PROKR1: variants seen among roughly 807,000 people sequenced by gnomAD.
The protein encoded by PROKR1 is prokineticin receptor 1, also known as G protein-coupled receptor 73.
PROKR1 carries 21 observed loss-of-function variants against 22.8 expected under a neutral mutation model. The ratio of observed to expected loss-of-function variants is 0.92; its 90% confidence interval spans 0.65 to 1.32. The LOEUF is 1.32. Among genes scored for constraint, PROKR1 ranks in the 40% most tolerant of loss-of-function variants. The pLI, the probability that PROKR1 is intolerant of heterozygous loss-of-function variation, is 0.00. For missense variants in PROKR1, 548 were observed against 514.2 expected (o/e 1.07, Z -0.64); for synonymous variants, 193 against 207.5 (o/e 0.93, Z 0.60).
intron 2 of PROKR1, chr2:68,649,464 C>T (rs1673264207): frequency 6.6e-6 from 1 of 152,140 alleles, no homozygotes; most frequent in African/African-American, 2.4e-5. Flanking sequence ...TTAAACAATC[C>T]ATTTTTATAG....
chr2:68,654,378 A>G (rs1261482217), intron 2 of PROKR1, among the ~76,000 whole-genome samples: 1 of 152,244 alleles, frequency 6.6e-6, no homozygotes, highest in Non-Finnish European at 1.5e-5. Context: ...TTAACAGCCA[A>G]CAATACTTGT....
At position 68,653,437 on chromosome 2, in the gene PROKR1, T is replaced by A. The variant is rs938163519; in HGVS notation, c.486-1443T>A. Among the ~76,000 whole-genome samples, 8 of 141,492 alleles carry A rather than the reference T, an allele frequency of 5.7e-5. No individual in the cohort carries two copies. In the East Asian group the frequency reaches 8.2e-4, roughly 15 times the overall value. 92.8% of individuals were successfully genotyped at this position (141,492 alleles called of 152,430 possible). ...GAAATACAGTCAGGAAAAAAAAAAA[T>A]AAGTAAGAATGAACCTTTCTTCAAA... On this transcript the variant is annotated intron_variant, in intron 2 of 2. Coordinates refer to ENST00000303786, the MANE Select transcript of PROKR1 (RefSeq NM_138964.4).
rs914704680 is a variant in PROKR1 at position 68,656,724 on chromosome 2, T to A, written c.*1148T>A. On this transcript the variant is annotated 3_prime_UTR_variant, in exon 3 of 3. Coordinates refer to ENST00000303786, the MANE Select transcript of PROKR1 (RefSeq NM_138964.4). ...GATATGATTTGAGGGCAAGATATCC[T>A]TATTACTGGCACCTGAATCCCATCC... The A allele has an allele frequency of 6.6e-6, 1 of 152,232 alleles. No homozygotes were observed. Among genetic ancestry groups the A allele is most frequent in the Non-Finnish European group, 1.5e-5 (1 of 68,054 alleles). The allele number at this position is 152,232 out of a possible 1,614,324, so 9.4% of individuals were successfully genotyped here.
Position 68,643,619 on chromosome 2 carries a change from C to T in PROKR1, c.-390C>T, listed in dbSNP as rs531092813. ...TCGCCAAGAGCCCGCACCTCGGCGC[C>T]TCACGGCCACCGGAGGCGGGGACAG... On this transcript the variant is annotated 5_prime_UTR_variant, in exon 1 of 3. Transcript: ENST00000303786. 1 of 152,426 alleles carries T rather than the reference C, an allele frequency of 6.6e-6. No homozygotes were observed. The highest frequency in any genetic ancestry group is 1.5e-5 in the Non-Finnish European group (1 of 68,110). The allele number at this position is 152,426 out of a possible 1,614,324, so 9.4% of individuals were successfully genotyped here.
chr2:68,655,066 C>A lies in PROKR1; in HGVS notation c.672C>A (p.Asp224Glu). 1.9e-6 allele frequency: 3 copies of A among 1,614,036 alleles called. No homozygotes were observed. Among genetic ancestry groups the A allele is most frequent in the Non-Finnish European group, 2.5e-6 (3 of 1,180,012 alleles). ...KIFCGQIWPV[D>E]QQLYYKSYFL... Reference sequence around the variant, plus strand: ...TCTGCGGCCAGATCTGGCCTGTGGACCAGCAGCTCTACTACAAGTCCTACT... The same window carrying A: ...TCTGCGGCCAGATCTGGCCTGTGGAACAGCAGCTCTACTACAAGTCCTACT... The change falls in exon 3 of 3, where the codon GAC (aspartate) becomes GAA (glutamate). Residue 224 changes from aspartate (D) to glutamate (E), a missense_variant. Physicochemically the swap from Asp to Glu is conservative, Grantham distance 45. Coordinates refer to ENST00000303786, the MANE Select transcript of PROKR1 (RefSeq NM_138964.4).
intron 2 of PROKR1, among the ~76,000 whole-genome samples, chr2:68,648,818 G>A (rs758614089): frequency 6.6e-6 from 1 of 152,122 alleles, no homozygotes; most frequent in Non-Finnish European, 1.5e-5. Context: ...TATTCTGCCT[G>A]GGTTTAAGTA....
chr2:68,645,166 C>T (rs1341652930), intron 1 of PROKR1, among the ~76,000 whole-genome samples: 2 of 152,184 alleles, frequency 1.3e-5, no homozygotes. Flanking sequence ...TGGGGACAGG[C>T]CTTCATAAAT....
In PROKR1 at chr2:68,657,266, C is replaced by T. The variant is rs1011285533; in HGVS notation, c.*1690C>T. ...TATCAAAAGGATGGGCTAGGAACTA[C>T]GTGTAGTGCGCCTGGACAAGAAAAA... is the stretch of plus-strand genomic sequence containing the variant. On this transcript the variant is annotated 3_prime_UTR_variant, in exon 3 of 3. Transcript: ENST00000303786. 9 of 152,186 alleles carry T rather than the reference C, an allele frequency of 5.9e-5. No homozygotes were observed. The highest frequency in any genetic ancestry group is 1.2e-4 in the African/African-American group (5 of 41,444). 9.4% of individuals were successfully genotyped at this position (152,186 alleles called of 1,614,324 possible).
Position 68,655,850 on chromosome 2 carries a change from T to C in PROKR1, c.*274T>C, listed in dbSNP as rs1046979670. ...ATGACATTTAGTTGGCAAAATGAAA[T>C]TGGAATTAAACCAAGGAAAATGTGG... On this transcript the variant is annotated 3_prime_UTR_variant, in exon 3 of 3. Coordinates refer to ENST00000303786, the MANE Select transcript of PROKR1 (RefSeq NM_138964.4). The C allele has an allele frequency of 1.9e-5, 9 of 484,388 alleles. No homozygotes were observed. Among genetic ancestry groups the C allele is most frequent in the African/African-American group, 5.8e-5 (3 of 51,296 alleles). The allele number at this position is 484,388 out of a possible 1,614,324, so 30.0% of individuals were successfully genotyped here. A position where few individuals can be genotyped will look rare whatever the true frequency, so the allele number is the denominator to read the frequency against.
chr2:68,654,835 ACTT>A, intron 2 of PROKR1, 42 bp from the exon 3 acceptor site: 3 of 1,427,200 alleles, frequency 2.1e-6, no homozygotes, highest in Non-Finnish European at 2.9e-6. Context: ...ATTATCCAGC[ACTT>A]CTTTCTCACA....
Position 68,655,258 on chromosome 2 carries a change from CA to C in PROKR1, c.865del (p.Ile289SerfsTer27). The C allele has an allele frequency of 6.2e-7, 1 of 1,614,266 alleles. No homozygotes were observed. The highest frequency in any genetic ancestry group is 8.5e-7 in the Non-Finnish European group (1 of 1,180,054). On this transcript the variant is annotated frameshift_variant, in exon 3 of 3. Coordinates refer to ENST00000303786, the MANE Select transcript of PROKR1 (RefSeq NM_138964.4). LOFTEE classifies it high-confidence loss of function. ...GGAAGACGGTCCTGGTGCTCATGTG[CA>C]TCCTCACCGCCTACGTGCTATGCTG... ...RRKTVLVLMC[I>X]LTAYVLCWAP...
In PROKR1 at chr2:68,655,259, A is replaced by C; in HGVS notation, c.865A>C (p.Ile289Leu). The change falls in exon 3 of 3, where the codon ATC becomes CTC. Residue 289 changes from isoleucine (I) to leucine (L), a missense_variant. Coordinates refer to ENST00000303786, the MANE Select transcript of PROKR1 (RefSeq NM_138964.4). ...RRKTVLVLMC[I>L]LTAYVLCWAP... The stretch of plus-strand genomic sequence containing the variant: ...GAAGACGGTCCTGGTGCTCATGTGC[A>C]TCCTCACCGCCTACGTGCTATGCTG... 1 of 1,614,212 alleles carries C rather than the reference A, an allele frequency of 6.2e-7. No individual in the cohort carries two copies.
chr2:68,652,786 C>G (rs570999319), intron 2 of PROKR1, among the ~76,000 whole-genome samples: 2 of 152,050 alleles, frequency 1.3e-5, no homozygotes, highest in African/African-American at 4.8e-5. Flanking sequence ...GGGAAGTGAA[C>G]CTACAGGGAT....
chr2:68,646,373 C>T (rs1673180076), intron 2 of PROKR1, 67 bp downstream of exon 2: 2 of 1,586,756 alleles, frequency 1.3e-6, no homozygotes, highest in African/African-American at 1.3e-5. Flanking sequence ...ATTGCCCCCT[C>T]CTGTACTGCA....
At chr2:68,650,925 G>T (rs1673301941) in intron 2 of PROKR1, among the ~76,000 whole-genome samples, 1 of 152,050 alleles carries the variant, frequency 6.6e-6, no homozygotes, top group Non-Finnish European at 1.5e-5. Context: ...CCTAGAGGTG[G>T]GATTGCCTGA....
In PROKR1 at chr2:68,655,883, G is replaced by C. The variant is rs191533517; in HGVS notation, c.*307G>C. 9.6e-4 allele frequency: 406 copies of C among 422,250 alleles called. 2 individuals are homozygous for C. Among genetic ancestry groups the C allele is most frequent in the Admixed American group, 2.5e-4 (7 of 27,682 alleles). The allele number at this position is 422,250 out of a possible 1,614,324, so 26.2% of individuals were successfully genotyped here. A position where few individuals can be genotyped will look rare whatever the true frequency, so the allele number is the denominator to read the frequency against. On this transcript the variant is annotated 3_prime_UTR_variant, in exon 3 of 3. Coordinates refer to ENST00000303786, the MANE Select transcript of PROKR1 (RefSeq NM_138964.4). The stretch of plus-strand genomic sequence containing the variant: ...AAACCAAGGAAAATGTGGTGGTGTA[G>C]ATAGAAATAAGGGAGTTTCCACAAA...
At chr2:68,644,873 G>C (rs996464006) in intron 1 of PROKR1, among the ~76,000 whole-genome samples, 5 of 152,106 alleles carry the variant, frequency 3.3e-5, no homozygotes, top group Non-Finnish European at 7.4e-5. Flanking sequence ...GTGGTGTGGT[G>C]GAGTCCCTGT....
chr2:68,650,792 G>T (rs989814390), intron 2 of PROKR1, among the ~76,000 whole-genome samples: 1 of 152,178 alleles, frequency 6.6e-6, no homozygotes, highest in African/African-American at 2.4e-5. Flanking sequence ...ATCATTTTGT[G>T]CCGGAGTAGT....
intron 2 of PROKR1, among the ~76,000 whole-genome samples, chr2:68,651,277 C>T (rs1452056537): frequency 6.6e-6 from 1 of 152,116 alleles, no homozygotes; most frequent in African/African-American, 2.4e-5. Flanking sequence ...GTGGGAGGAA[C>T]CCTTGGGCCC....
Sources: gnomAD v4.1 joint callset for allele counts (sites outside exome capture counted in the v4.1 genomes callset) on GRCh38, gnomAD v4.1.1 for gene constraint, MANE v1.5 for transcripts, NCBI Gene and HGNC (gene_info 2026-07-23, HGNC 2026-07-21) for gene names.